The following GATA4 variants were observed in gnomAD, a reference collection of about 807,000 sequenced individuals.
GATA4 encodes transcription factor GATA-4.
In GATA4, 7 loss-of-function variants were observed where a neutral mutation model predicts 37.9. That is an observed-to-expected ratio of 0.18 (90% CI 0.11 to 0.35). GATA4 has a LOEUF of 0.35. Among genes scored for constraint, GATA4 ranks in the 10% least tolerant of loss-of-function variants. The pLI is 1.00. For synonymous variants in GATA4, 372 were observed against 292.6 expected (o/e 1.27, Z -2.77); for missense variants, 647 against 653.0 (o/e 0.99, Z 0.10).
At chr8:11,750,283 A>G in intron 4 of GATA4, 47 bp downstream of exon 4, 1 of 1,606,860 alleles carries the variant, frequency 6.2e-7, no homozygotes, top group Non-Finnish European at 8.5e-7. Context: ...TCTGATGCCC[A>G]TCTCTCAGTC....
Position 11,708,963 on chromosome 8 carries a change from G to A in GATA4, c.616+35G>A. 1.3e-6 allele frequency: 2 copies of A among 1,514,158 alleles called. No homozygotes were observed. Among genetic ancestry groups the A allele is most frequent in the South Asian group, 2.4e-5 (2 of 82,166 alleles). The allele number at this position is 1,514,158 out of a possible 1,614,324, so 93.8% of individuals were successfully genotyped here. A position where few individuals can be genotyped will look rare whatever the true frequency, so the allele number is the denominator to read the frequency against. ...AGCGCGAGGGCTGGGGCGCGTGAGG[G>A]CCGGGGCAGGGGCCGTCTTGAGCCC... On this transcript the variant is annotated intron_variant, in intron 2 of 6. Coordinates refer to ENST00000532059, the MANE Select transcript of GATA4 (RefSeq NM_001308093.3). The surrounding 1 kb of genome is among the most constrained non-coding windows in gnomAD (Gnocchi z 6.7).
At chr8:11,695,876 G>T (rs1799494399) in intron 1 of GATA4, among the ~76,000 whole-genome samples, 1 of 152,172 alleles carries the variant, frequency 6.6e-6, no homozygotes, top group Non-Finnish European at 1.5e-5. Context: ...GACCACTGTG[G>T]CCATTCCTGT....
At chr8:11,742,044 C>T (rs1027259182) in intron 2 of GATA4, among the ~76,000 whole-genome samples, 1 of 152,190 alleles carries the variant, frequency 6.6e-6, no homozygotes, top group South Asian at 2.1e-4. Context: ...TTCTCTAAAG[C>T]TCATGAACTT....
At chr8:11,715,131 C>G (rs774817128) in intron 2 of GATA4, among the ~76,000 whole-genome samples, 3 of 152,080 alleles carry the variant, frequency 2.0e-5, no homozygotes, top group Non-Finnish European at 4.4e-5. Flanking sequence ...TGTATGGAAT[C>G]CTCACAAAGA....
intron 1 of GATA4, among the ~76,000 whole-genome samples, chr8:11,682,237 C>T (rs1032356776): frequency 6.6e-6 from 1 of 152,174 alleles, no homozygotes; most frequent in African/African-American, 2.4e-5. Flanking sequence ...TGTCGGATGG[C>T]TTCTCCTGCT....
intron 2 of GATA4, among the ~76,000 whole-genome samples, chr8:11,730,901 A>G (rs1332716767): frequency 1.3e-5 from 2 of 152,184 alleles, no homozygotes; most frequent in Non-Finnish European, 2.9e-5. Context: ...GTCTCGTGTC[A>G]TCTGCCTTGG....
At chr8:11,738,293 C>T (rs1409955637) in intron 2 of GATA4, among the ~76,000 whole-genome samples, 1 of 151,930 alleles carries the variant, frequency 6.6e-6, no homozygotes, top group Non-Finnish European at 1.5e-5. Flanking sequence ...CCGTGAGCCA[C>T]CAAGACACCT....
intron 2 of GATA4, among the ~76,000 whole-genome samples, chr8:11,719,827 A>G (rs1316088902): frequency 3.3e-5 from 5 of 152,264 alleles, no homozygotes; most frequent in Admixed American, 6.5e-5. Context: ...AGCACTGTCA[A>G]TAACAGCTGA....
rs1285850308 is a variant in GATA4 at position 11,693,560 on chromosome 8, C to CAG, written c.-729+901_-729+902insGA. Among the ~76,000 whole-genome samples, 124 of 68,906 alleles carry CAG rather than the reference C, an allele frequency of 1.8e-3. 1 individual carries two copies. Among genetic ancestry groups the CAG allele is most frequent in the South Asian group, 0.013 (19 of 1,420 alleles). The allele number at this position is 68,906 out of a possible 152,430, so 45.2% of individuals were successfully genotyped here. A position where few individuals can be genotyped will look rare whatever the true frequency, so the allele number is the denominator to read the frequency against. ...ACACACACACACACACACACACACA[C>CAG]ACAGAGAGAGAGAGAGAGAGAGAGA... On this transcript the variant is annotated intron_variant, in intron 1 of 2. Coordinates refer to the GATA4 transcript ENST00000526974.
At chr8:11,713,464 C>T (rs751839723) in intron 2 of GATA4, among the ~76,000 whole-genome samples, 1 of 151,918 alleles carries the variant, frequency 6.6e-6, no homozygotes, top group Non-Finnish European at 1.5e-5. Context: ...AGAATGGCTG[C>T]GTGAGTCCTT....
intron 2 of GATA4, among the ~76,000 whole-genome samples, chr8:11,725,645 C>T (rs1359483016): frequency 1.3e-5 from 2 of 152,092 alleles, no homozygotes; most frequent in Admixed American, 6.5e-5. Context: ...TCCTGCCCCT[C>T]GCTCTTCACT....
chr8:11,683,185 C>A lies in GATA4; in HGVS notation c.-274+6122C>A, dbSNP rs1423367403. ...GCTCGCTATCTAATCTGGACAGCAG[C>A]AGGAACAATCCATTAGACCTCAGCA... On this transcript the variant is annotated intron_variant, in intron 1 of 6. Transcript: ENST00000528712. The A allele has an allele frequency of 3.3e-6, 3 of 919,176 alleles. No individual in the cohort carries two copies. The African/African-American group carries it at 5.4e-5, about 16-fold the overall frequency. 56.9% of individuals were successfully genotyped at this position (919,176 alleles called of 1,614,324 possible).
chr8:11,688,210 C>G (rs1166677407), upstream of GATA4, among the ~76,000 whole-genome samples: 2 of 152,150 alleles, frequency 1.3e-5, no homozygotes, highest in African/African-American at 4.8e-5. Flanking sequence ...CAGTGAAAAA[C>G]AAATTGATTT....
intron 2 of GATA4, among the ~76,000 whole-genome samples, chr8:11,733,516 T>A (rs1801306036): frequency 6.6e-6 from 1 of 152,232 alleles, no homozygotes; most frequent in Non-Finnish European, 1.5e-5. Flanking sequence ...ATGGGGAGGC[T>A]GTGGCATAAA....
At chr8:11,742,453 A>G (rs1463567119) in intron 2 of GATA4, among the ~76,000 whole-genome samples, 1 of 151,414 alleles carries the variant, frequency 6.6e-6, no homozygotes, top group Non-Finnish European at 1.5e-5. Flanking sequence ...GAAAAACAAA[A>G]CAAAACAAAA....
At chr8:11,711,115 C>CA (rs1304405948) in intron 2 of GATA4, among the ~76,000 whole-genome samples, 11 of 152,152 alleles carry the variant, frequency 7.2e-5, no homozygotes, top group Admixed American at 7.2e-4. Context: ...AACAAACAAA[C>CA]AAAAAACCGA....
rs371529912 is a variant in GATA4 at position 11,681,293 on chromosome 8, G to C, written c.-274+4230G>C. ...CCAGGCCTCCGCACGCTGAGGTTCC[G>C]GGGAAGAGCACTGTCTTCACCACTT... On this transcript the variant is annotated intron_variant, in intron 1 of 6. Coordinates refer to the GATA4 transcript ENST00000528712. 661 of 985,388 alleles carry C rather than the reference G, an allele frequency of 6.7e-4. 8 individuals are homozygous for C. In the African/African-American group the frequency reaches 0.011, roughly 16 times the overall value. The allele number at this position is 985,388 out of a possible 1,614,324, so 61.0% of individuals were successfully genotyped here.
At position 11,746,424 on chromosome 8, in the gene GATA4, G is replaced by A. The variant is rs17153707; in HGVS notation, c.617-2492G>A. Among the ~76,000 whole-genome samples the A allele has an allele frequency of 2.5e-3, 386 of 152,244 alleles. 2 individuals are homozygous for A. The highest frequency in any genetic ancestry group is 8.8e-3 in the African/African-American group (367 of 41,530). ...GAATGGGAGGGTTGCACTAGGTTTG[G>A]AATGGAAAGGTGATCTTACAAGGCC... On this transcript the variant is annotated intron_variant, in intron 2 of 6. Coordinates refer to ENST00000532059, the MANE Select transcript of GATA4 (RefSeq NM_001308093.3).
chr8:11,756,107 A>T (rs1217615872), intron 5 of GATA4, among the ~76,000 whole-genome samples: 2 of 152,150 alleles, frequency 1.3e-5, no homozygotes, highest in African/African-American at 4.8e-5. Context: ...CAGTACTGCT[A>T]CCCAGTTAAA....
Sources: gnomAD v4.1 joint callset for allele counts (sites outside exome capture counted in the v4.1 genomes callset) on GRCh38, gnomAD v4.1.1 for gene constraint, Gnocchi (gnomAD v3.1) non-coding constraint, MANE v1.5 for transcripts, NCBI Gene and HGNC (gene_info 2026-07-23, HGNC 2026-07-21) for gene names.